Variants in HS6ST3 observed in about 807,000 individuals in gnomAD.
HS6ST3 encodes the protein heparan-sulfate 6-O-sulfotransferase 3.
A neutral mutation model predicts 36.7 loss-of-function variants in HS6ST3; 12 were observed. The ratio of observed to expected loss-of-function variants is 0.33; its 90% CI spans 0.21 to 0.53. HS6ST3 has a LOEUF of 0.53. Among genes scored for constraint, HS6ST3 ranks in the 20% least tolerant of loss-of-function variants. The pLI is 0.95. For synonymous variants in HS6ST3, 240 were observed against 257.5 expected, an observed-to-expected ratio of 0.93 and a Z score of 0.65; for missense variants, 584 against 640.9, an observed-to-expected ratio of 0.91 and a Z score of 0.96.
intron 1 of HS6ST3, among the ~76,000 whole-genome samples, chr13:96,197,096 T>A (rs2054318082): frequency 2.0e-5 from 3 of 152,244 alleles, no homozygotes. Flanking sequence ...GATAGTTAGA[T>A]GATAGAAATT....
chr13:96,476,653 G>A (rs1055811923), intron 1 of HS6ST3, among the ~76,000 whole-genome samples: 5 of 152,280 alleles, frequency 3.3e-5, no homozygotes, highest in South Asian at 2.1e-4. Flanking sequence ...GAGCCATCGC[G>A]CCTGGCCGAG....
chr13:96,480,733 A>G (rs2055886678), intron 1 of HS6ST3, among the ~76,000 whole-genome samples: 1 of 152,086 alleles, frequency 6.6e-6, no homozygotes, highest in Non-Finnish European at 1.5e-5. Context: ...TCTTAGTGTT[A>G]TGTTTCCCTT....
chr13:96,475,631 GA>G (rs1049320309), intron 1 of HS6ST3, among the ~76,000 whole-genome samples: 1 of 133,322 alleles, frequency 7.5e-6, no homozygotes, highest in African/African-American at 2.8e-5. Context: ...AAAAAAAAAA[GA>G]AAAGAAAGAA....
chr13:96,582,531 A>G (rs944425345), intron 1 of HS6ST3, among the ~76,000 whole-genome samples: 38 of 152,314 alleles, frequency 2.5e-4, no homozygotes, highest in Non-Finnish European at 4.0e-4. Context: ...TTACGGGACA[A>G]TGAGAACCAT....
intron 1 of HS6ST3, among the ~76,000 whole-genome samples, chr13:96,245,236 T>G (rs923391206): frequency 3.3e-5 from 5 of 152,146 alleles, no homozygotes; most frequent in African/African-American, 1.2e-4. Flanking sequence ...AAACTTACAA[T>G]GTACACAAAA....
chr13:96,235,149 G>A (rs191849128), intron 1 of HS6ST3, among the ~76,000 whole-genome samples: 1 of 152,280 alleles, frequency 6.6e-6, no homozygotes, highest in East Asian at 1.9e-4. Flanking sequence ...GTGATATACA[G>A]TTAAGGAAGA....
chr13:96,683,113 C>A (rs1464481867), intron 1 of HS6ST3, among the ~76,000 whole-genome samples: 23 of 152,034 alleles, frequency 1.5e-4, no homozygotes, highest in Admixed American at 1.5e-3. Context: ...GCTTATCCTT[C>A]TTAATATTGA....
chr13:96,694,891 T>C (rs1875081632), intron 1 of HS6ST3, among the ~76,000 whole-genome samples: 1 of 152,152 alleles, frequency 6.6e-6, no homozygotes, highest in Non-Finnish European at 1.5e-5. Flanking sequence ...ACAAACTTGA[T>C]ATATATGCAT....
chr13:96,243,742 A>C (rs1395466078), intron 1 of HS6ST3, among the ~76,000 whole-genome samples: 1 of 152,184 alleles, frequency 6.6e-6, no homozygotes, highest in East Asian at 1.9e-4. Flanking sequence ...TGCTCTTTAA[A>C]AAATTATGAG....
intron 1 of HS6ST3, among the ~76,000 whole-genome samples, chr13:96,593,427 C>T (rs2138977093): frequency 6.6e-6 from 1 of 151,340 alleles, no homozygotes; most frequent in South Asian, 2.1e-4. Flanking sequence ...AATTACTGAC[C>T]TCAAGTGATC....
At chr13:96,496,665 A>G (rs552578759) in intron 1 of HS6ST3, among the ~76,000 whole-genome samples, 1 of 152,316 alleles carries the variant, frequency 6.6e-6, no homozygotes, top group East Asian at 1.9e-4. Context: ...ATTCCTACCC[A>G]GAAGACACTA....
intron 1 of HS6ST3, among the ~76,000 whole-genome samples, chr13:96,363,086 A>C (rs2055246295): frequency 6.6e-6 from 1 of 152,130 alleles, no homozygotes; most frequent in Admixed American, 6.6e-5. Context: ...TTGGGGTGGC[A>C]GTTACACAAA....
chr13:96,246,741 T>C (rs2054586592), intron 1 of HS6ST3, among the ~76,000 whole-genome samples: 1 of 152,090 alleles, frequency 6.6e-6, no homozygotes, highest in African/African-American at 2.4e-5. Context: ...GAGAGTGAAA[T>C]TGTCTTCAGA....
rs529082132 is a variant in HS6ST3, at chr13:96,330,014, T to G, written c.707+238445T>G. On this transcript the variant is annotated intron_variant, in intron 1 of 1. Transcript: ENST00000376705. ...AGACTAGGATTGCAACCCCTGCCTT[T>G]TTTTGTTTTCCATTTGCTTGGTAGA... 7.7e-4 allele frequency among the ~76,000 whole-genome samples: 116 copies of G among 151,130 alleles called. 1 individual carries two copies. Among genetic ancestry groups the G allele is most frequent in the African/African-American group, 2.6e-3 (107 of 41,206 alleles).
intron 1 of HS6ST3, among the ~76,000 whole-genome samples, chr13:96,445,729 G>A (rs1454995398): frequency 1.3e-5 from 2 of 151,888 alleles, no homozygotes; most frequent in South Asian, 2.1e-4. Flanking sequence ...ATAACCAGGC[G>A]TGGTGGTATG....
At chr13:96,600,604 G>A (rs2056417981) in intron 1 of HS6ST3, among the ~76,000 whole-genome samples, 1 of 151,888 alleles carries the variant, frequency 6.6e-6, no homozygotes, top group South Asian at 2.1e-4. Flanking sequence ...TATTTGGTGT[G>A]CTTTTTAAAT....
intron 1 of HS6ST3, among the ~76,000 whole-genome samples, chr13:96,115,843 C>A (rs2053891488): frequency 6.6e-6 from 1 of 152,168 alleles, no homozygotes. Context: ...AACGGTTGAA[C>A]TAATTTACAT....
chr13:96,498,959 A>G (rs1479800065), intron 1 of HS6ST3, among the ~76,000 whole-genome samples: 2 of 152,108 alleles, frequency 1.3e-5, no homozygotes, highest in Non-Finnish European at 2.9e-5. Flanking sequence ...ATTCTTATGA[A>G]TTTTCTATCA....
chr13:96,309,529 C>T (rs565034664), intron 1 of HS6ST3, among the ~76,000 whole-genome samples: 1 of 152,232 alleles, frequency 6.6e-6, no homozygotes, highest in South Asian at 2.1e-4. Flanking sequence ...TCTGCTGGGG[C>T]TCCATAGATA....
Sources: gnomAD v4.1 joint callset for allele counts (sites outside exome capture counted in the v4.1 genomes callset) on GRCh38, gnomAD v4.1.1 for gene constraint, MANE v1.5 for transcripts, NCBI Gene and HGNC (gene_info 2026-07-23, HGNC 2026-07-21) for gene names.